Variants in CD2BP2 observed in about 807,000 individuals in gnomAD.
CD2BP2 encodes the protein CD2 cytoplasmic tail binding protein 2, also known as CD2 antigen cytoplasmic tail-binding protein 2.
CD2BP2 carries 27 observed loss-of-function variants against 35.9 expected under a neutral mutation model. The observed-to-expected ratio is 0.75, with a 90% CI of 0.55 to 1.04. CD2BP2 has a LOEUF of 1.04. Among genes scored for constraint, CD2BP2 ranks in the 50% least tolerant of loss-of-function variants. The pLI, the probability that CD2BP2 is intolerant of heterozygous loss-of-function variation, is 0.00. For synonymous variants in CD2BP2, 213 were observed against 173.5 expected (o/e 1.23, Z -1.79); for missense variants, 497 against 444.3 (o/e 1.12, Z -1.07).
chr16:30,353,915 C>A lies in CD2BP2; in HGVS notation c.361G>T (p.Asp121Tyr). Residue 121 changes from aspartate to tyrosine, a missense_variant, in exon 4 of 7, where the codon GAC (aspartate) becomes TAC (tyrosine). Physicochemically the swap from Asp to Tyr is radical, Grantham distance 160. Coordinates refer to ENST00000305596, the MANE Select transcript of CD2BP2 (RefSeq NM_006110.3). ...CTGGGCCGCACCCAGTCAATGTTGT[C>A]CAGCCAGCTGTCTCGGATCTGAGCA... Reference protein sequence around the residue: ...RDAQIRDSWLDNIDWVKIRER... With the variant: ...RDAQIRDSWLYNIDWVKIRER... 6.2e-7 allele frequency: 1 copy of A among 1,614,070 alleles called. No individual in the cohort carries two copies. Among genetic ancestry groups the A allele is most frequent in the Non-Finnish European group, 8.5e-7 (1 of 1,180,000 alleles).
Position 30,353,206 on chromosome 16 carries a change from C to T in CD2BP2, c.890G>A (p.Gly297Glu). Residue 297 changes from glycine (G) to glutamate (E), a missense_variant, in exon 6 of 7, where the codon GGG becomes GAG. By Grantham distance (98) the Gly-to-Glu change is moderately conservative (BLOSUM62 -2). Transcript: ENST00000305596. Reference protein sequence around the residue: ...WENTGDAELYGPFTSAQMQTW... With the variant: ...WENTGDAELYEPFTSAQMQTW... ...CTGCATCTGGGCGCTGGTGAAGGGC[C>T]CATACAGCTCGGCATCCCCCGTGTT... 1 of 1,614,098 alleles carries T rather than the reference C, an allele frequency of 6.2e-7. No individual in the cohort carries two copies. Among genetic ancestry groups the T allele is most frequent in the Admixed American group, 1.7e-5 (1 of 60,022 alleles).
chr16:30,354,297 C>T lies in CD2BP2; in HGVS notation c.104G>A (p.Gly35Glu), dbSNP rs759668845. Residue 35 changes from glycine to glutamate, a missense_variant, in exon 3 of 7, where the codon GGG becomes GAG. Physicochemically the swap from Gly to Glu is moderately conservative, Grantham distance 98. Coordinates refer to ENST00000305596, the MANE Select transcript of CD2BP2 (RefSeq NM_006110.3). ...KKLVDPVAGSGGPGSRFKGKH... is the reference protein window; with the variant it reads ...KKLVDPVAGSEGPGSRFKGKH... ...GCCTTTAAAGCGGCTCCCAGGACCC[C>T]CTGACCCAGCCACAGGGTCCACCAG... The T allele has an allele frequency of 6.2e-7, 1 of 1,614,064 alleles. No homozygotes were observed. The highest frequency in any genetic ancestry group is 1.1e-5 in the South Asian group (1 of 91,076).
intron 4 of CD2BP2, 45 bp from the exon 5 acceptor site, chr16:30,353,845 G>GCAGGCCCAGCATCTGCCACTCC (rs2049508224): frequency 1.2e-6 from 2 of 1,607,630 alleles, no homozygotes; most frequent in East Asian, 4.5e-5. Context: ...TGCCACGGGA[G>GCAGGCCCAGCATCTGCCACTCC]CAGGCCCAGC....
In CD2BP2 at chr16:30,353,637, G is replaced by A. The variant is rs865930226; in HGVS notation, c.539C>T (p.Ala180Val). The A allele has an allele frequency of 1.9e-6, 3 of 1,613,104 alleles. No homozygotes were observed. Among genetic ancestry groups the A allele is most frequent in the Non-Finnish European group, 2.5e-6 (3 of 1,179,816 alleles). The change falls in exon 5 of 7, where the codon GCC becomes GTC. Residue 180 changes from alanine to valine, a missense_variant. Physicochemically the swap from Ala to Val is moderately conservative, Grantham distance 64 (BLOSUM62 0). Transcript: ENST00000305596. ...CTTTCTCCCTTTGCCTCCTCCTCGG[G>A]CCCCCAGACGCCTCAGTGCCCCAGC... ...TVAGALRRLG[A>V]RGGGKGRKGP... is the part of the protein sequence containing the mutation.
At chr16:30,354,991 C>T (rs138349372) in intron 1 of CD2BP2, 2 of 332,382 alleles carry the variant, frequency 6.0e-6, no homozygotes, top group African/African-American at 2.2e-5. Flanking sequence ...CTCCAGCCCC[C>T]GCAGTCTGCG....
chr16:30,352,113 T>G lies in CD2BP2; in HGVS notation c.*872A>C, dbSNP rs2049486994. On this transcript the variant is annotated 3_prime_UTR_variant, in exon 7 of 7. Coordinates refer to ENST00000305596, the MANE Select transcript of CD2BP2 (RefSeq NM_006110.3). ...GACCAACCCAGCTACCTCAGTTTCC[T>G]CAAGGCACTAGCCCTGTGCCAGGCA... 1 of 152,488 alleles carries G rather than the reference T, an allele frequency of 6.6e-6. No individual in the cohort carries two copies. Among genetic ancestry groups the G allele is most frequent in the Non-Finnish European group, 1.5e-5 (1 of 68,234 alleles). 9.4% of individuals were successfully genotyped at this position (152,488 alleles called of 1,614,324 possible). A position where few individuals can be genotyped will look rare whatever the true frequency, so the allele number is the denominator to read the frequency against.
In CD2BP2 at chr16:30,354,406, CCA is replaced by C. The variant is rs1395122563; in HGVS notation, c.79-86_79-85del. On this transcript the variant is annotated intron_variant, in intron 2 of 6. Transcript: ENST00000305596. ...TTCCGGATCTGGACCCAAATATTCC[CCA>C]AATATTTCAGGATCTCGACTACTTC... is the stretch of plus-strand genomic sequence containing the variant. 3.2e-5 allele frequency: 47 copies of C among 1,485,598 alleles called. 1 individual carries two copies. In the African/African-American group the frequency reaches 4.1e-4, roughly 13 times the overall value. 92.0% of individuals were successfully genotyped at this position (1,485,598 alleles called of 1,614,324 possible). A position where few individuals can be genotyped will look rare whatever the true frequency, so the allele number is the denominator to read the frequency against.
In CD2BP2 at chr16:30,353,087, C is replaced by T. The variant is rs796305557; in HGVS notation, c.924G>A (p.Val308=). ...PFTSAQMQTW[V]SEGYFPDGVY... ...CACCGTCCGGGAAGTAGCCTTCACT[C>T]ACCCAGGTCTGCAAGGAGAGGGCAG... is the stretch of plus-strand genomic sequence containing the variant. The change falls in exon 7 of 7, where the codon GTG becomes GTA. Residue 308 remains valine (V), a synonymous_variant. Transcript: ENST00000305596. The T allele has an allele frequency of 6.8e-6, 11 of 1,613,740 alleles. No homozygotes were observed. The African/African-American group carries it at 1.5e-4, about 22-fold the overall frequency.
chr16:30,354,701 T>C lies in CD2BP2; in HGVS notation c.-20A>G. On this transcript the variant is annotated 5_prime_UTR_variant, in exon 2 of 7. Coordinates refer to ENST00000305596, the MANE Select transcript of CD2BP2 (RefSeq NM_006110.3). ...TGGCATGACGGGGCAAAGAGGTGTT[T>C]CTCAAGCTGAGGAAAGGATGCAGAG... The C allele has an allele frequency of 6.2e-7, 1 of 1,611,876 alleles. No individual in the cohort carries two copies. The highest frequency in any genetic ancestry group is 8.5e-7 in the Non-Finnish European group (1 of 1,178,082).
Position 30,353,063 on chromosome 16 carries a change from A to T in CD2BP2, c.948T>A (p.Gly316=), listed in dbSNP as rs764822554. The part of the protein sequence containing the change: ...TWVSEGYFPD[G]VYCRKLDPPG... The stretch of plus-strand genomic sequence containing the variant: ...GGGGGTCCAGCTTCCGGCAATAAAC[A>T]CCGTCCGGGAAGTAGCCTTCACTCA... Residue 316 remains glycine, a synonymous_variant, in exon 7 of 7, where the codon GGT becomes GGA. Transcript: ENST00000305596. 8 of 1,613,884 alleles carry T rather than the reference A, an allele frequency of 5.0e-6. No individual in the cohort carries two copies. Among genetic ancestry groups the T allele is most frequent in the South Asian group, 1.1e-5 (1 of 91,078 alleles).
chr16:30,351,981 GGCAA>G lies in CD2BP2; in HGVS notation c.*1000_*1003del, dbSNP rs1371023219. On this transcript the variant is annotated 3_prime_UTR_variant, in exon 7 of 7. Coordinates refer to ENST00000305596, the MANE Select transcript of CD2BP2 (RefSeq NM_006110.3). ...CTAACGTGGGGCAAGGGAGGCGTAA[GGCAA>G]TGCTGGTGGGGCGTGGAGGTGGAGG... The G allele has an allele frequency of 1.3e-5, 2 of 152,658 alleles. No homozygotes were observed. 9.5% of individuals were successfully genotyped at this position (152,658 alleles called of 1,614,324 possible). A position where few individuals can be genotyped will look rare whatever the true frequency, so the allele number is the denominator to read the frequency against.
chr16:30,354,165 A>G lies in CD2BP2; in HGVS notation c.217+19T>C, dbSNP rs754835606. 12 of 1,613,798 alleles carry G rather than the reference A, an allele frequency of 7.4e-6. No individual in the cohort carries two copies. In the East Asian group the frequency reaches 2.5e-4, roughly 33 times the overall value. On this transcript the variant is annotated intron_variant, in intron 3 of 6. Transcript: ENST00000305596. ...CCTACTTGTTTTTCCAGCAGAGTGT[A>G]TTCTTGGGTACAGCTTACCTTCTAC...
Position 30,353,676 on chromosome 16 carries a change from G to A in CD2BP2, c.500C>T (p.Pro167Leu). The change falls in exon 5 of 7, where the codon CCT (proline) becomes CTT (leucine). Residue 167 changes from proline (P) to leucine (L), a missense_variant. Physicochemically the swap from Pro to Leu is moderately conservative, Grantham distance 98. Transcript: ENST00000305596. ...LLEGLLELLL[P>L]RETVAGALRR... ...CAGTGCCCCAGCCACTGTCTCTCTA[G>A]GCAATAGGAGCTCCAAAAGTCCCTC... The A allele has an allele frequency of 1.2e-6, 2 of 1,613,918 alleles. No homozygotes were observed. The highest frequency in any genetic ancestry group is 1.7e-6 in the Non-Finnish European group (2 of 1,179,962).
At position 30,354,172 on chromosome 16, in the gene CD2BP2, G is replaced by A. The variant is rs781070294; in HGVS notation, c.217+12C>T. 6.2e-7 allele frequency: 1 copy of A among 1,613,822 alleles called. No homozygotes were observed. The highest frequency in any genetic ancestry group is 8.5e-7 in the Non-Finnish European group (1 of 1,179,880). ...GTTTTTCCAGCAGAGTGTATTCTTG[G>A]GTACAGCTTACCTTCTACATCCTCT... On this transcript the variant is annotated intron_variant, in intron 3 of 6. Coordinates refer to ENST00000305596, the MANE Select transcript of CD2BP2 (RefSeq NM_006110.3).
At position 30,353,592 on chromosome 16, in the gene CD2BP2, G is replaced by A. The variant is rs777458984; in HGVS notation, c.584C>T (p.Ser195Phe). ...KGRKGPGQPS[S>F]PQRLDRLSGL... ...GGAGAGCCGGTCCAGGCGCTGAGGG[G>A]AACTGGGTTGCCCAGGCCCCTTTCT... Residue 195 changes from serine (S) to phenylalanine (F), a missense_variant, in exon 5 of 7, where the codon TCC becomes TTC. By Grantham distance (155) the Ser-to-Phe change is radical. Coordinates refer to ENST00000305596, the MANE Select transcript of CD2BP2 (RefSeq NM_006110.3). The A allele has an allele frequency of 3.1e-6, 5 of 1,613,920 alleles. No homozygotes were observed. Among genetic ancestry groups the A allele is most frequent in the South Asian group, 2.2e-5 (2 of 91,090 alleles).
Position 30,354,642 on chromosome 16 carries a change from C to A in CD2BP2, c.40G>T (p.Glu14Ter), listed in dbSNP as rs1325637916. The A allele has an allele frequency of 6.2e-7, 1 of 1,614,060 alleles. No individual in the cohort carries two copies. The highest frequency in any genetic ancestry group is 1.1e-5 in the South Asian group (1 of 91,064). Residue 14 changes from glutamate to a stop codon, truncating the protein, a stop_gained, in exon 2 of 7, where the codon GAG becomes TAG. Transcript: ENST00000305596. LOFTEE classifies it high-confidence loss of function. Reference protein sequence around the residue: ...RKVTFQGVGDEEDEDEIIVPK... With the variant: ...RKVTFQGVGD ...ACAATGATTTCATCCTCATCCTCCT[C>A]ATCTCCCACGCCTTGGAAGGTCACT...
Position 30,354,056 on chromosome 16 carries a change from G to C in CD2BP2, c.220C>G (p.Gln74Glu). ...DILASEDVEGQEAATLPSEGG... is the reference protein window; with the variant it reads ...DILASEDVEGEEAATLPSEGG... ...TCGCTGGGGAGTGTGGCTGCCTCCT[G>C]ACCTGCACCAAAGACACAGGTGCCC... is the stretch of plus-strand genomic sequence containing the variant. Residue 74 changes from glutamine to glutamate, a missense_variant and splice_region_variant, in exon 4 of 7, where the codon CAG becomes GAG. Transcript: ENST00000305596. The C allele has an allele frequency of 1.2e-6, 2 of 1,613,984 alleles. No individual in the cohort carries two copies. The highest frequency in any genetic ancestry group is 2.7e-5 in the African/African-American group (2 of 75,022).
In CD2BP2 at chr16:30,354,292, G is replaced by A. The variant is rs1455576041; in HGVS notation, c.109C>T (p.Pro37Ser). 6.2e-7 allele frequency: 1 copy of A among 1,613,884 alleles called. No homozygotes were observed. Among genetic ancestry groups the A allele is most frequent in the Non-Finnish European group, 8.5e-7 (1 of 1,179,938 alleles). ...TGTTTGCCTTTAAAGCGGCTCCCAG[G>A]ACCCCCTGACCCAGCCACAGGGTCC... ...LVDPVAGSGGPGSRFKGKHSL... is the reference protein window; with the variant it reads ...LVDPVAGSGGSGSRFKGKHSL... The change falls in exon 3 of 7, where the codon CCT becomes TCT. Residue 37 changes from proline (P) to serine (S), a missense_variant. Coordinates refer to ENST00000305596, the MANE Select transcript of CD2BP2 (RefSeq NM_006110.3).
At position 30,352,919 on chromosome 16, in the gene CD2BP2, G is replaced by A; in HGVS notation, c.*66C>T. On this transcript the variant is annotated 3_prime_UTR_variant, in exon 7 of 7. Coordinates refer to ENST00000305596, the MANE Select transcript of CD2BP2 (RefSeq NM_006110.3). ...GGCCTCCAATTTCCTCGCTGCCTGA[G>A]ACACTTGGTGCCTCCTCCACAAAGT... The A allele has an allele frequency of 7.0e-6, 7 of 1,002,780 alleles. No homozygotes were observed. Among genetic ancestry groups the A allele is most frequent in the Non-Finnish European group, 1.1e-5 (7 of 629,650 alleles). The allele number at this position is 1,002,780 out of a possible 1,614,324, so 62.1% of individuals were successfully genotyped here. A position where few individuals can be genotyped will look rare whatever the true frequency, so the allele number is the denominator to read the frequency against.
Sources: gnomAD v4.1 joint callset for allele counts on GRCh38, gnomAD v4.1.1 for gene constraint, MANE v1.5 for transcripts, NCBI Gene and HGNC (gene_info 2026-07-23, HGNC 2026-07-21) for gene names.